The following SPMAP2L variants were observed in gnomAD, a reference collection of about 807,000 sequenced individuals.
SPMAP2L encodes sperm microtubule associated protein 2 like.
the SPMAP2L span, chr4:56,594,579 G>A: frequency 1.3e-6 from 2 of 1,598,006 alleles, no homozygotes; most frequent in South Asian, 2.2e-5. Flanking sequence ...GAGGGGCACA[G>A]AACGGTTTGC....
At chr4:56,625,870 G>A in the SPMAP2L span, among the ~76,000 whole-genome samples, 37 of 152,278 alleles carry the variant, frequency 2.4e-4, no homozygotes, top group South Asian at 6.2e-4. Flanking sequence ...CCAGATAGCC[G>A]GAGTTATTTC....
At chr4:56,610,506 A>G in the SPMAP2L span, among the ~76,000 whole-genome samples, 2 of 152,234 alleles carry the variant, frequency 1.3e-5, no homozygotes, top group Admixed American at 1.3e-4. Context: ...AGAAGGTAAC[A>G]TCAGAAAAAC....
the SPMAP2L span, among the ~76,000 whole-genome samples, chr4:56,616,680 G>A: frequency 0.23 from 34,434 of 152,112 alleles, 4,878 homozygotes; most frequent in African/African-American, 0.4. Context: ...GCTGTAGACC[G>A]TAGTGAGGAC....
At chr4:56,619,894 CAG>C in the SPMAP2L span, among the ~76,000 whole-genome samples, 2 of 151,864 alleles carry the variant, frequency 1.3e-5, no homozygotes, top group African/African-American at 4.9e-5. Context: ...AAAACAAAAA[CAG>C]AAAAAAACTA....
At chr4:56,535,649 G>C in the SPMAP2L span, among the ~76,000 whole-genome samples, 1 of 152,222 alleles carries the variant, frequency 6.6e-6, no homozygotes, top group East Asian at 1.9e-4. Context: ...TCTTTAACTC[G>C]GTGTCTGAGG....
chr4:56,599,765 G>A, the SPMAP2L span, among the ~76,000 whole-genome samples: 5 of 152,112 alleles, frequency 3.3e-5, no homozygotes, highest in African/African-American at 1.2e-4. Context: ...AGTATTCCAT[G>A]GTGTGTATGT....
chr4:56,568,035 T>G, the SPMAP2L span, among the ~76,000 whole-genome samples: 1 of 152,290 alleles, frequency 6.6e-6, no homozygotes, highest in Non-Finnish European at 1.5e-5. Flanking sequence ...GTGTTTTATT[T>G]CTCTCTATGT....
At chr4:56,589,365 G>A in the SPMAP2L span, among the ~76,000 whole-genome samples, 2 of 152,162 alleles carry the variant, frequency 1.3e-5, no homozygotes, top group Non-Finnish European at 2.9e-5. Flanking sequence ...ATCAGGTAGT[G>A]TGAGGCCTCC....
At chr4:56,579,296 T>C in the SPMAP2L span, among the ~76,000 whole-genome samples, 1 of 152,186 alleles carries the variant, frequency 6.6e-6, no homozygotes, top group African/African-American at 2.4e-5. Context: ...TGGAAACTGA[T>C]AGCAGAAGGA....
the SPMAP2L span, among the ~76,000 whole-genome samples, chr4:56,597,925 C>A: frequency 6.6e-5 from 10 of 152,162 alleles, no homozygotes; most frequent in Non-Finnish European, 1.3e-4. Flanking sequence ...TGCAGCAGCA[C>A]GATCATGGCT....
chr4:56,585,694 C>A, the SPMAP2L span, among the ~76,000 whole-genome samples: 8 of 152,196 alleles, frequency 5.3e-5, no homozygotes, highest in African/African-American at 1.9e-4. Context: ...TCAAGTTCTT[C>A]AGTTCACTTA....
chr4:56,612,341 ATTTCTTTTTTTC>A, the SPMAP2L span, among the ~76,000 whole-genome samples: 1 of 152,064 alleles, frequency 6.6e-6, no homozygotes, highest in Non-Finnish European at 1.5e-5. Flanking sequence ...TTACCCAAAC[ATTTCTTTTTTTC>A]TTTCTTTTTT....
the SPMAP2L span, chr4:56,601,109 G>A: frequency 3.3e-6 from 5 of 1,532,448 alleles, no homozygotes; most frequent in Non-Finnish European, 4.4e-6. Context: ...CCAAATAAGA[G>A]GTATGTCAAT....
At chr4:56,579,031 C>T in the SPMAP2L span, among the ~76,000 whole-genome samples, 20 of 151,976 alleles carry the variant, frequency 1.3e-4, no homozygotes, top group Non-Finnish European at 2.6e-4. Context: ...TTCAATACCC[C>T]ACTTTTAATA....
the SPMAP2L span, among the ~76,000 whole-genome samples, chr4:56,554,869 TA>T: frequency 6.6e-6 from 1 of 152,146 alleles, no homozygotes; most frequent in Admixed American, 6.6e-5. Flanking sequence ...AGTCTGTGTC[TA>T]GATTATTTAT....
chr4:56,622,753 C>A, the SPMAP2L span, among the ~76,000 whole-genome samples: 1 of 152,196 alleles, frequency 6.6e-6, no homozygotes, highest in African/African-American at 2.4e-5. Flanking sequence ...CACCTACATC[C>A]TTCTCCCTCA....
the SPMAP2L span, among the ~76,000 whole-genome samples, chr4:56,545,780 T>A: frequency 2.6e-5 from 4 of 151,724 alleles, no homozygotes; most frequent in African/African-American, 9.7e-5. Context: ...TAACAATTAC[T>A]TAAACATTTT....
chr4:56,596,633 T>G, the SPMAP2L span: 3 of 1,512,556 alleles, frequency 2.0e-6, no homozygotes, highest in Non-Finnish European at 2.6e-6. Context: ...ATCCGTCCTG[T>G]AAGCCATCGC....
chr4:56,609,048 T>G, the SPMAP2L span, among the ~76,000 whole-genome samples: 1 of 134,504 alleles, frequency 7.4e-6, no homozygotes, highest in Non-Finnish European at 1.6e-5. Context: ...CTTTCTTTCT[T>G]TCTTTTTTTT....
Sources: gnomAD v4.1 joint callset for allele counts (sites outside exome capture counted in the v4.1 genomes callset) on GRCh38, gnomAD v4.1.1 for gene constraint, MANE v1.5 for transcripts, NCBI Gene and HGNC (gene_info 2026-07-23, HGNC 2026-07-21) for gene names.